The following SRP54 variants were observed in gnomAD, a reference collection of about 807,000 sequenced individuals.
SRP54 encodes signal recognition particle 54.
A neutral mutation model predicts 64.8 loss-of-function variants in SRP54; 10 were observed. The observed-to-expected ratio is 0.15, with a 90% CI of 0.10 to 0.26. The LOEUF (loss-of-function observed/expected upper bound fraction) is 0.26, where lower values mean the gene tolerates loss of function less well. Ranked by LOEUF, SRP54 falls within the 10% of genes least tolerant of loss-of-function variation. SRP54 has a pLI of 1.00. For missense variants in SRP54, 325 were observed against 613.7 expected (o/e 0.53, Z 4.97); for synonymous variants, 193 against 185.6 (o/e 1.04, Z -0.32).
intron 1 of SRP54, among the ~76,000 whole-genome samples, chr14:34,995,148 T>G (rs2044049753): frequency 8.2e-6 from 1 of 121,880 alleles, no homozygotes. Flanking sequence ...TGTGTGTGTG[T>G]GTGTGTGTGT....
chr14:35,020,805 C>A (rs555144217), intron 13 of SRP54, among the ~76,000 whole-genome samples: 8 of 152,186 alleles, frequency 5.3e-5, no homozygotes, highest in Non-Finnish European at 1.2e-4. Context: ...ATCATCATAA[C>A]AACTCCTATG....
chr14:35,006,531 A>G (rs1465061546), intron 4 of SRP54, among the ~76,000 whole-genome samples: 3 of 152,242 alleles, frequency 2.0e-5, no homozygotes, highest in Non-Finnish European at 4.4e-5. Context: ...TAGATTACAT[A>G]TGAAAATGAT....
At chr14:35,021,996 A>G (rs1250337380) in intron 13 of SRP54, among the ~76,000 whole-genome samples, 1 of 152,228 alleles carries the variant, frequency 6.6e-6, no homozygotes, top group Non-Finnish European at 1.5e-5. Flanking sequence ...AATTCACTAT[A>G]TGCTACTGAG....
At chr14:35,023,102 TTAGTTAACAGAC>T in intron 14 of SRP54, 22 bp downstream of exon 14, 11 of 1,043,124 alleles carry the variant, frequency 1.1e-5, no homozygotes, top group Non-Finnish European at 1.4e-5. Flanking sequence ...AAGCTTGTTA[TTAGTTAACAGAC>T]GGAAAAGAAA....
intron 5 of SRP54, among the ~76,000 whole-genome samples, chr14:35,008,119 C>T (rs74243586): frequency 0.17 from 25,984 of 152,000 alleles, 2,393 homozygotes; most frequent in East Asian, 0.31. Context: ...ATCCTTATGC[C>T]ATATTTTTTT....
intron 4 of SRP54, among the ~76,000 whole-genome samples, chr14:35,002,216 T>A (rs1168394723): frequency 6.6e-6 from 1 of 151,894 alleles, no homozygotes; most frequent in African/African-American, 2.4e-5. Context: ...TAGCCGGGCA[T>A]GGTGGTGCAC....
intron 7 of SRP54, among the ~76,000 whole-genome samples, chr14:35,009,260 G>A (rs1566650408): frequency 6.6e-6 from 1 of 151,320 alleles, no homozygotes; most frequent in Admixed American, 6.6e-5. Context: ...TGCCCAGGCT[G>A]GTCCCAAGCT....
At position 35,029,524 on chromosome 14, in the gene SRP54, A is replaced by G; in HGVS notation, c.*372A>G. ...CTGGTCAGTAGTTAAATAATGTTTC[A>G]ATTAAAGTGCTGTAAAATAAACTTC... On this transcript the variant is annotated 3_prime_UTR_variant, in exon 16 of 16. Coordinates refer to ENST00000216774, the MANE Select transcript of SRP54 (RefSeq NM_003136.4). 1 of 162,094 alleles carries G rather than the reference A, an allele frequency of 6.2e-6. No homozygotes were observed. Among genetic ancestry groups the G allele is most frequent in the South Asian group, 1.8e-4 (1 of 5,480 alleles). The allele number at this position is 162,094 out of a possible 1,614,324, so 10.0% of individuals were successfully genotyped here.
intron 3 of SRP54, 140 bp downstream of exon 3, chr14:34,999,789 G>A (rs937343986): frequency 5.1e-6 from 3 of 584,762 alleles, no homozygotes; most frequent in African/African-American, 3.7e-5. Context: ...GAGCTCATAT[G>A]TTGGGCGAGA....
chr14:35,029,370 T>C lies in SRP54; in HGVS notation c.*218T>C, dbSNP rs2044688614. On this transcript the variant is annotated 3_prime_UTR_variant, in exon 16 of 16. Coordinates refer to ENST00000216774, the MANE Select transcript of SRP54 (RefSeq NM_003136.4). Reference sequence around the variant, plus strand: ...AAATACATGGTTTTTGTGGAAATCATTATATGTTTGCTTTAGATTTTCTTC... The same window carrying C: ...AAATACATGGTTTTTGTGGAAATCACTATATGTTTGCTTTAGATTTTCTTC... The C allele has an allele frequency of 4.8e-6, 2 of 420,044 alleles. No individual in the cohort carries two copies. Among genetic ancestry groups the C allele is most frequent in the East Asian group, 8.0e-5 (2 of 24,858 alleles). The allele number at this position is 420,044 out of a possible 1,614,324, so 26.0% of individuals were successfully genotyped here.
rs530820723 is a variant in SRP54, at chr14:35,003,759, C to A, written c.255+2739C>A. On this transcript the variant is annotated intron_variant, in intron 4 of 15. Coordinates refer to ENST00000216774, the MANE Select transcript of SRP54 (RefSeq NM_003136.4). ...GACCAGCCTGAGCAACATGGTGAAA[C>A]CCCATCACTACAAAAAATACAAAAA... 2.1e-5 allele frequency among the ~76,000 whole-genome samples: 3 copies of A among 146,162 alleles called. No homozygotes were observed. In the East Asian group the frequency reaches 6.4e-4, roughly 31 times the overall value.
chr14:35,025,127 C>T (rs953810408), intron 14 of SRP54, among the ~76,000 whole-genome samples: 21 of 152,216 alleles, frequency 1.4e-4, no homozygotes, highest in Non-Finnish European at 2.5e-4. Context: ...ATAAGGTTTT[C>T]CAAAGACTTC....
intron 1 of SRP54, among the ~76,000 whole-genome samples, chr14:34,996,004 GC>G: frequency 6.6e-6 from 1 of 150,454 alleles, no homozygotes; most frequent in East Asian, 2.0e-4. Flanking sequence ...AGTTGAGGCT[GC>G]AGTCAGCTGT....
chr14:34,989,915 G>T (rs1305616239), intron 1 of SRP54, among the ~76,000 whole-genome samples: 2 of 152,208 alleles, frequency 1.3e-5, no homozygotes, highest in Non-Finnish European at 2.9e-5. Context: ...CATTTTGCAA[G>T]TGAGGAAAGT....
chr14:35,013,256 TA>T, intron 8 of SRP54, 89 bp from the exon 9 acceptor site: 1 of 1,307,762 alleles, frequency 7.6e-7, no homozygotes, highest in Non-Finnish European at 1.1e-6. Context: ...CACCTGGCTC[TA>T]AATATTGTTT....
At chr14:35,016,857 T>TTCTTTTTTTGAGACAGAG (rs2044450574) in intron 11 of SRP54, among the ~76,000 whole-genome samples, 1 of 144,488 alleles carries the variant, frequency 6.9e-6, no homozygotes, top group African/African-American at 2.5e-5. Flanking sequence ...TTTTTTTTTT[T>TTCTTTTTTTGAGACAGAG]TTTCTTCTTT....
intron 1 of SRP54, chr14:34,993,396 G>A (rs1286735934): frequency 6.6e-6 from 1 of 152,128 alleles, no homozygotes; most frequent in African/African-American, 2.4e-5. Context: ...CCATGAGGTG[G>A]TTGGCTCTCA....
At position 35,029,061 on chromosome 14, in the gene SRP54, G is replaced by A; in HGVS notation, c.1424G>A (p.Gly475Asp). 6.2e-7 allele frequency: 1 copy of A among 1,613,092 alleles called. No individual in the cohort carries two copies. The highest frequency in any genetic ancestry group is 8.5e-7 in the Non-Finnish European group (1 of 1,179,464). Reference sequence around the variant, plus strand: ...CTCTACTTCCCTACTTTTGCTCTAGGTGGTATGGCAGGACTTCAGTCAATG... The same window carrying A: ...CTCTACTTCCCTACTTTTGCTCTAGATGGTATGGCAGGACTTCAGTCAATG... Reference protein sequence around the residue: ...MMDPRVLHHMGGMAGLQSMMR... With the variant: ...MMDPRVLHHMDGMAGLQSMMR... The change falls in exon 16 of 16, where the codon GGT becomes GAT. Residue 475 changes from glycine (G) to aspartate (D), a missense_variant and splice_region_variant. Physicochemically the swap from Gly to Asp is moderately conservative, Grantham distance 94 (BLOSUM62 -1). This residue lies in a region of SRP54 where 146 missense variants were observed against 337.4 expected (regional missense o/e 0.43). Coordinates refer to ENST00000216774, the MANE Select transcript of SRP54 (RefSeq NM_003136.4).
At chr14:34,995,144 T>G (rs1382230397) in intron 1 of SRP54, among the ~76,000 whole-genome samples, 10 of 96,180 alleles carry the variant, frequency 1.0e-4, no homozygotes, top group African/African-American at 2.1e-4. Flanking sequence ...GGTGTGTGTG[T>G]GTGTGTGTGT....
Sources: allele counts gnomAD v4.1 joint callset (sites outside exome capture counted in the v4.1 genomes callset), GRCh38; gene constraint gnomAD v4.1.1; regional missense constraint gnomAD v4.1.1; transcripts MANE v1.5; gene names NCBI Gene and HGNC (gene_info 2026-07-23, HGNC 2026-07-21).